Variants in GPC6 observed in about 807,000 individuals in gnomAD.
GPC6 encodes the protein glypican-6.
GPC6 carries 14 observed loss-of-function variants against 55.2 expected under a neutral mutation model. The ratio of observed to expected loss-of-function variants is 0.25; its 90% CI spans 0.17 to 0.40. The LOEUF is 0.40. Among genes scored for constraint, GPC6 ranks in the 10% least tolerant of loss-of-function variants. The pLI is 1.00. For synonymous variants in GPC6, 278 were observed against 259.6 expected (o/e 1.07, Z -0.68); for missense variants, 641 against 708.5 (o/e 0.90, Z 1.08).
intron 3 of GPC6, among the ~76,000 whole-genome samples, chr13:93,842,290 T>C (rs1433472788): frequency 2.0e-5 from 3 of 152,144 alleles, no homozygotes; most frequent in African/African-American, 7.2e-5. Flanking sequence ...ATAAAGCATT[T>C]TATTGGAAAG....
chr13:93,625,284 G>C (rs1021687412), intron 2 of GPC6, among the ~76,000 whole-genome samples: 1 of 152,078 alleles, frequency 6.6e-6, no homozygotes, highest in Non-Finnish European at 1.5e-5. Flanking sequence ...TTCCATAAAA[G>C]AGTGGAAATG....
intron 3 of GPC6, among the ~76,000 whole-genome samples, chr13:93,962,246 C>T (rs1297954467): frequency 6.6e-6 from 1 of 152,092 alleles, no homozygotes; most frequent in Non-Finnish European, 1.5e-5. Flanking sequence ...TCCTGCATAA[C>T]ATATTTCATC....
At chr13:93,737,649 G>GA (rs1041402769) in intron 2 of GPC6, among the ~76,000 whole-genome samples, 1 of 151,916 alleles carries the variant, frequency 6.6e-6, no homozygotes, top group African/African-American at 2.4e-5. Flanking sequence ...CAATTTCTGT[G>GA]AAAAAATATG....
intron 2 of GPC6, among the ~76,000 whole-genome samples, chr13:93,690,165 T>A (rs1882205496): frequency 6.6e-6 from 1 of 152,146 alleles, no homozygotes; most frequent in Non-Finnish European, 1.5e-5. Context: ...TAGGGATAAG[T>A]TTGCCTGGAG....
chr13:93,473,208 C>T (rs1484968858), intron 1 of GPC6, among the ~76,000 whole-genome samples: 2 of 152,216 alleles, frequency 1.3e-5, no homozygotes, highest in Non-Finnish European at 2.9e-5. Context: ...TGTCTGCCTC[C>T]TGCTGCCGTC....
chr13:94,060,734 T>C (rs1884291696), intron 4 of GPC6, among the ~76,000 whole-genome samples: 1 of 152,184 alleles, frequency 6.6e-6, no homozygotes, highest in Non-Finnish European at 1.5e-5. Context: ...CTCAATCAAG[T>C]ATAATCCTGC....
intron 8 of GPC6, among the ~76,000 whole-genome samples, chr13:94,401,033 C>CT (rs1230301405): frequency 6.6e-6 from 1 of 152,104 alleles, no homozygotes; most frequent in East Asian, 1.9e-4. Flanking sequence ...ATTGGCAGCA[C>CT]TGGGTTTGGT....
chr13:94,184,842 A>G (rs1004038283), intron 4 of GPC6, among the ~76,000 whole-genome samples: 5 of 152,236 alleles, frequency 3.3e-5, no homozygotes, highest in African/African-American at 9.6e-5. Context: ...GCATACACTC[A>G]TATGTCCATT....
chr13:93,397,130 C>G (rs1049163494), intron 1 of GPC6, among the ~76,000 whole-genome samples: 1 of 152,132 alleles, frequency 6.6e-6, no homozygotes, highest in Admixed American at 6.5e-5. Context: ...AGAGGAATTA[C>G]TGGATCAAAT....
intron 2 of GPC6, among the ~76,000 whole-genome samples, chr13:93,653,707 A>G (rs1212413672): frequency 1.3e-5 from 2 of 152,020 alleles, no homozygotes; most frequent in Non-Finnish European, 2.9e-5. Flanking sequence ...TTTACTGTCA[A>G]TTTTGAGTAG....
chr13:93,773,685 C>T (rs1338524518), intron 2 of GPC6, among the ~76,000 whole-genome samples: 1 of 152,100 alleles, frequency 6.6e-6, no homozygotes, highest in Non-Finnish European at 1.5e-5. Context: ...TTGGCAACTC[C>T]TTTTCAAAAT....
chr13:93,398,604 T>C (rs1594142111), intron 1 of GPC6, among the ~76,000 whole-genome samples: 1 of 152,112 alleles, frequency 6.6e-6, no homozygotes, highest in Non-Finnish European at 1.5e-5. Context: ...TATATTAGGG[T>C]ATGGCATGTG....
At chr13:94,179,498 C>T (rs4584689) in intron 4 of GPC6, among the ~76,000 whole-genome samples, 36,922 of 151,740 alleles carry the variant, frequency 0.24, 4,623 homozygotes, top group Middle Eastern at 0.35. Context: ...TGTTTGTATA[C>T]GTGTAATTTT....
chr13:93,368,281 T>TTCCC (rs1208185732), intron 1 of GPC6, among the ~76,000 whole-genome samples: 6 of 126,968 alleles, frequency 4.7e-5, no homozygotes, highest in Admixed American at 7.9e-5. Context: ...CCCTCCCTCC[T>TTCCC]TCCCTCCCTC....
intron 3 of GPC6, among the ~76,000 whole-genome samples, chr13:93,930,182 A>G (rs1359942591): frequency 6.6e-6 from 1 of 152,014 alleles, no homozygotes; most frequent in African/African-American, 2.4e-5. Context: ...TCATTCTGTT[A>G]TATAGCCACT....
chr13:93,249,723 G>A (rs1876719793), intron 1 of GPC6, among the ~76,000 whole-genome samples: 1 of 152,196 alleles, frequency 6.6e-6, no homozygotes, highest in South Asian at 2.1e-4. Flanking sequence ...AGCCATGCGG[G>A]TGAGTCATCA....
chr13:93,676,790 A>G (rs2139637042), intron 2 of GPC6, among the ~76,000 whole-genome samples: 1 of 152,142 alleles, frequency 6.6e-6, no homozygotes, highest in South Asian at 2.1e-4. Flanking sequence ...ATATTTATGG[A>G]TTGATAGGGC....
chr13:94,148,631 T>A (rs74105735), intron 4 of GPC6, among the ~76,000 whole-genome samples: 2,706 of 152,290 alleles, frequency 0.018, 72 homozygotes, highest in African/African-American at 0.059. Flanking sequence ...ACATGTTATT[T>A]TGACATTCTA....
At chr13:93,243,012 A>G (rs1876485271) in intron 1 of GPC6, among the ~76,000 whole-genome samples, 1 of 152,134 alleles carries the variant, frequency 6.6e-6, no homozygotes, top group Non-Finnish European at 1.5e-5. Flanking sequence ...ACAGGTTGGG[A>G]CCGGGGGAAC....
Sources: gnomAD v4.1 joint callset for allele counts (sites outside exome capture counted in the v4.1 genomes callset) on GRCh38, gnomAD v4.1.1 for gene constraint, MANE v1.5 for transcripts, NCBI Gene and HGNC (gene_info 2026-07-23, HGNC 2026-07-21) for gene names.